Variants in SORCS3 observed in about 807,000 individuals in gnomAD.
SORCS3 encodes the protein VPS10 domain-containing receptor SorCS3.
Under a neutral mutation model 146.3 loss-of-function variants are expected in SORCS3, and 57 were observed. The ratio of observed to expected loss-of-function variants is 0.39; its 90% CI spans 0.31 to 0.49. The LOEUF is 0.49. SORCS3 is among the 20% of genes least tolerant of loss of function. The pLI is 0.92. For synonymous variants in SORCS3, 653 were observed against 618.5 expected, an observed-to-expected ratio of 1.06 and a Z score of -0.83; for missense variants, 1,341 against 1,575.5, an observed-to-expected ratio of 0.85 and a Z score of 2.52.
At chr10:105,061,061 C>G (rs534785767) in intron 5 of SORCS3, among the ~76,000 whole-genome samples, 1 of 152,240 alleles carries the variant, frequency 6.6e-6, no homozygotes, top group South Asian at 2.1e-4. Flanking sequence ...TAGAGTTCTA[C>G]TTGGAAACAA....
chr10:105,070,751 A>G (rs2055551117), intron 5 of SORCS3, among the ~76,000 whole-genome samples: 1 of 152,238 alleles, frequency 6.6e-6, no homozygotes, highest in Admixed American at 6.5e-5. Flanking sequence ...TGAATAAACA[A>G]GATATCTGAT....
chr10:104,694,103 T>G (rs1443980178), intron 1 of SORCS3, among the ~76,000 whole-genome samples: 2 of 151,090 alleles, frequency 1.3e-5, no homozygotes, highest in African/African-American at 4.9e-5. Context: ...CTCCTGTGAT[T>G]GTGACAGATG....
chr10:104,882,107 C>G (rs573451615), intron 2 of SORCS3, among the ~76,000 whole-genome samples: 45 of 152,124 alleles, frequency 3.0e-4, no homozygotes, highest in Non-Finnish European at 5.3e-4. Flanking sequence ...TGATCTGCCA[C>G]TGATTAATAC....
intron 1 of SORCS3, among the ~76,000 whole-genome samples, chr10:104,814,277 T>A (rs2017772305): frequency 6.6e-6 from 1 of 152,174 alleles, no homozygotes; most frequent in African/African-American, 2.4e-5. Flanking sequence ...TTTTCTATAT[T>A]CTTTCCCTCC....
At chr10:105,049,631 T>G in intron 5 of SORCS3, among the ~76,000 whole-genome samples, 1 of 152,110 alleles carries the variant, frequency 6.6e-6, no homozygotes, top group Non-Finnish European at 1.5e-5. Context: ...TATCAAAATA[T>G]ACACATTTTG....
chr10:104,642,022 G>GGGTGTGGGGGGGGGGGGGGGGGCCC, intron 1 of SORCS3, 68 bp downstream of exon 1: 1 of 173,336 alleles, frequency 5.8e-6, no homozygotes, highest in East Asian at 1.5e-4. Flanking sequence ...GGGTGGGTGG[G>GGGTGTGGGGGGGGGGGGGGGGGCCC]AGCGAGGGAC....
At chr10:105,114,698 C>T (rs926638947) in intron 7 of SORCS3, among the ~76,000 whole-genome samples, 2 of 152,160 alleles carry the variant, frequency 1.3e-5, no homozygotes, top group Non-Finnish European at 2.9e-5. Flanking sequence ...CTCCCTGAAC[C>T]TTTGTAAAGA....
At chr10:104,981,816 G>C (rs1043399299) in intron 4 of SORCS3, among the ~76,000 whole-genome samples, 1 of 152,056 alleles carries the variant, frequency 6.6e-6, no homozygotes, top group African/African-American at 2.4e-5. Context: ...TTTTTTCTGC[G>C]TGAGAGGTAG....
intron 4 of SORCS3, among the ~76,000 whole-genome samples, chr10:105,031,252 T>A (rs1468209572): frequency 6.6e-6 from 1 of 151,356 alleles, no homozygotes; most frequent in African/African-American, 2.4e-5. Flanking sequence ...TGAGCCGAGA[T>A]CACGCCACTG....
At chr10:105,191,773 T>C (rs749774478) in intron 14 of SORCS3, among the ~76,000 whole-genome samples, 3 of 152,112 alleles carry the variant, frequency 2.0e-5, no homozygotes, top group Non-Finnish European at 2.9e-5. Context: ...CAGTTCATAG[T>C]AGGGTTCATG....
chr10:104,832,971 G>A (rs370520454), intron 1 of SORCS3, among the ~76,000 whole-genome samples: 2 of 152,184 alleles, frequency 1.3e-5, no homozygotes, highest in South Asian at 2.1e-4. Flanking sequence ...TAGAGGATAA[G>A]CACCACAGCC....
At chr10:104,695,858 G>A (rs1181125625) in intron 1 of SORCS3, among the ~76,000 whole-genome samples, 2 of 149,900 alleles carry the variant, frequency 1.3e-5, no homozygotes, top group Non-Finnish European at 3.0e-5. Context: ...GACCACCATT[G>A]CATTAATTCA....
intron 10 of SORCS3, 136 bp downstream of exon 10, chr10:105,157,420 C>A: frequency 2.0e-6 from 2 of 1,022,344 alleles, no homozygotes; most frequent in Non-Finnish European, 2.8e-6. Flanking sequence ...ACTTGCAGGG[C>A]ATTGGTGTGT....
intron 3 of SORCS3, among the ~76,000 whole-genome samples, chr10:104,957,724 AC>A: frequency 6.6e-6 from 1 of 151,580 alleles, no homozygotes; most frequent in Non-Finnish European, 1.5e-5. Context: ...TATCTGGAAG[AC>A]CCTTTTCTCT....
At chr10:105,119,344 G>A (rs1262775721) in intron 7 of SORCS3, among the ~76,000 whole-genome samples, 2 of 152,206 alleles carry the variant, frequency 1.3e-5, no homozygotes, top group East Asian at 3.9e-4. Context: ...TTGTGCTGCA[G>A]GAGTGAAGCC....
rs1329676905 is a variant in SORCS3 at position 104,940,229 on chromosome 10, TATATATATA to T, written c.795+24298_795+24306del. On this transcript the variant is annotated intron_variant, in intron 3 of 26. Coordinates refer to ENST00000369701, the MANE Select transcript of SORCS3 (RefSeq NM_014978.3). ...TTATATATATATATATATATATATA[TATATATATA>T]TTTTTTTTTTTTTTTTTATTATACT... is the stretch of plus-strand genomic sequence containing the variant. Among the ~76,000 whole-genome samples the T allele has an allele frequency of 1.6e-3, 28 of 17,040 alleles. 1 individual carries two copies. Among genetic ancestry groups the T allele is most frequent in the African/African-American group, 8.2e-3 (19 of 2,312 alleles). 11.2% of individuals were successfully genotyped at this position (17,040 alleles called of 152,430 possible). A position where few individuals can be genotyped will look rare whatever the true frequency, so the allele number is the denominator to read the frequency against.
At chr10:104,853,937 G>A (rs2018301623) in intron 2 of SORCS3, among the ~76,000 whole-genome samples, 1 of 152,176 alleles carries the variant, frequency 6.6e-6, no homozygotes, top group Non-Finnish European at 1.5e-5. Context: ...AACCTTGCAA[G>A]GGTTTTACCC....
chr10:105,081,217 T>G (rs1589622884), intron 5 of SORCS3, among the ~76,000 whole-genome samples: 1 of 152,294 alleles, frequency 6.6e-6, no homozygotes, highest in South Asian at 2.1e-4. Context: ...CCTTAATATT[T>G]CCCTCATGCA....
At chr10:104,778,378 T>A (rs2017336963) in intron 1 of SORCS3, among the ~76,000 whole-genome samples, 1 of 152,244 alleles carries the variant, frequency 6.6e-6, no homozygotes, top group South Asian at 2.1e-4. Context: ...TCAGGTGCAG[T>A]GTTGGTTGAA....
Sources: gnomAD v4.1 joint callset for allele counts (sites outside exome capture counted in the v4.1 genomes callset) on GRCh38, gnomAD v4.1.1 for gene constraint, MANE v1.5 for transcripts, NCBI Gene and HGNC (gene_info 2026-07-23, HGNC 2026-07-21) for gene names.